Variants in ARHGAP32 observed in about 807,000 individuals in gnomAD.
The protein encoded by ARHGAP32 is Rho GTPase activating protein 32.
Under a neutral mutation model 186.5 loss-of-function variants are expected in ARHGAP32, and 51 were observed. The observed-to-expected ratio is 0.27, with a 90% CI of 0.22 to 0.35. The LOEUF (loss-of-function observed/expected upper bound fraction) is 0.35. ARHGAP32 is among the 10% of genes least tolerant of loss of function. The probability of loss-of-function intolerance (pLI) is 1.00; values close to 1 mark genes in which losing one functional copy is unlikely to be tolerated. For synonymous variants in ARHGAP32, 950 were observed against 964.3 expected (o/e 0.99, Z 0.27); for missense variants, 2,186 against 2,623.5 (o/e 0.83, Z 3.64).
intron 1 of ARHGAP32, among the ~76,000 whole-genome samples, chr11:129,201,969 C>T (rs1219044901): frequency 6.6e-6 from 1 of 151,966 alleles, no homozygotes; most frequent in Non-Finnish European, 1.5e-5. Flanking sequence ...GGCAACAGAG[C>T]AAGAGCCTGT....
intron 11 of ARHGAP32, among the ~76,000 whole-genome samples, chr11:129,032,217 C>G (rs888583576): frequency 1.3e-5 from 2 of 152,208 alleles, no homozygotes; most frequent in South Asian, 4.1e-4. Context: ...GTAACACATG[C>G]CCTCTGGGGC....
chr11:129,097,728 G>A (rs960121773), intron 5 of ARHGAP32, among the ~76,000 whole-genome samples: 1 of 152,146 alleles, frequency 6.6e-6, no homozygotes, highest in African/African-American at 2.4e-5. Flanking sequence ...TAAAAAAAGA[G>A]AGAGAAGGGA....
chr11:129,158,300 G>A (rs1253931240), intron 2 of ARHGAP32, among the ~76,000 whole-genome samples: 1 of 151,188 alleles, frequency 6.6e-6, no homozygotes, highest in Non-Finnish European at 1.5e-5. Flanking sequence ...AAAGAGTCAA[G>A]ACTCATCGGG....
intron 1 of ARHGAP32, among the ~76,000 whole-genome samples, chr11:129,219,060 C>T (rs1247730500): frequency 1.3e-5 from 2 of 152,168 alleles, no homozygotes; most frequent in Non-Finnish European, 2.9e-5. Flanking sequence ...GAGACAGCCA[C>T]CCTACATCAA....
At chr11:129,212,182 C>T (rs1944589407) in intron 1 of ARHGAP32, among the ~76,000 whole-genome samples, 1 of 151,962 alleles carries the variant, frequency 6.6e-6, no homozygotes, top group Non-Finnish European at 1.5e-5. Context: ...AATAAAAGTA[C>T]TGAAATCGTA....
intron 18 of ARHGAP32, 46 bp from the exon 19 acceptor site, chr11:128,978,961 G>C (rs1225023257): frequency 6.6e-7 from 1 of 1,526,560 alleles, no homozygotes; most frequent in Admixed American, 2.1e-5. Flanking sequence ...CCATGGGTCT[G>C]TCTTTTCTTA....
At chr11:129,124,379 G>T (rs1418774572) in intron 3 of ARHGAP32, among the ~76,000 whole-genome samples, 1 of 152,108 alleles carries the variant, frequency 6.6e-6, no homozygotes, top group African/African-American at 2.4e-5. Flanking sequence ...CATAGCTTCA[G>T]ATTAGAGATG....
At chr11:129,156,888 A>G (rs948040200) in intron 2 of ARHGAP32, among the ~76,000 whole-genome samples, 4 of 152,208 alleles carry the variant, frequency 2.6e-5, no homozygotes, top group African/African-American at 9.6e-5. Context: ...AGGAACACAC[A>G]GCAAACTTTG....
chr11:129,022,889 C>T (rs554034068), intron 11 of ARHGAP32, among the ~76,000 whole-genome samples: 12 of 152,000 alleles, frequency 7.9e-5, no homozygotes, highest in Non-Finnish European at 1.5e-4. Context: ...CCACTAAATG[C>T]CATATAGCAT....
At chr11:129,183,380 C>T (rs1261712946) in intron 1 of ARHGAP32, among the ~76,000 whole-genome samples, 1 of 152,142 alleles carries the variant, frequency 6.6e-6, no homozygotes, top group African/African-American at 2.4e-5. Flanking sequence ...CTTATCATCA[C>T]ATTAAATTTA....
At chr11:129,096,710 T>C (rs911407183) in intron 5 of ARHGAP32, among the ~76,000 whole-genome samples, 2 of 152,200 alleles carry the variant, frequency 1.3e-5, no homozygotes, top group African/African-American at 2.4e-5. Context: ...TAGCTATGTG[T>C]CCATTACACC....
intron 6 of ARHGAP32, among the ~76,000 whole-genome samples, chr11:129,085,027 T>C (rs1192433994): frequency 1.3e-5 from 2 of 151,364 alleles, no homozygotes; most frequent in East Asian, 3.9e-4. Context: ...TTGGTTTTAT[T>C]ATTTTTTTTT....
At chr11:129,161,136 C>G (rs1289382516) in intron 2 of ARHGAP32, among the ~76,000 whole-genome samples, 1 of 152,062 alleles carries the variant, frequency 6.6e-6, no homozygotes, top group Non-Finnish European at 1.5e-5. Context: ...CTTCTTACAC[C>G]TTATACAAAT....
chr11:129,153,824 C>A (rs368988958), intron 2 of ARHGAP32, among the ~76,000 whole-genome samples: 4 of 152,172 alleles, frequency 2.6e-5, no homozygotes, highest in African/African-American at 7.2e-5. Flanking sequence ...TTGGCTTAGG[C>A]AAAGAGTTCA....
intron 22 of ARHGAP32, 200 bp from the exon 23 acceptor site, chr11:128,971,359 T>C: frequency 1.9e-6 from 1 of 513,772 alleles, no homozygotes; most frequent in East Asian, 3.0e-5. Context: ...AGTATTATCT[T>C]TGGAGAACCA....
chr11:129,163,367 GT>G (rs940717868), intron 2 of ARHGAP32, among the ~76,000 whole-genome samples: 8 of 152,090 alleles, frequency 5.3e-5, no homozygotes, highest in African/African-American at 1.9e-4. Context: ...GTTACAAAAA[GT>G]TTTAATAAAC....
chr11:129,178,397 C>T (rs1399514244), intron 1 of ARHGAP32, among the ~76,000 whole-genome samples: 3 of 151,692 alleles, frequency 2.0e-5, no homozygotes, highest in Non-Finnish European at 4.4e-5. Flanking sequence ...AATGCCATCC[C>T]CATCAAGCTA....
At chr11:129,063,617 A>C (rs1940587676) in intron 9 of ARHGAP32, among the ~76,000 whole-genome samples, 1 of 152,008 alleles carries the variant, frequency 6.6e-6, no homozygotes, top group Non-Finnish European at 1.5e-5. Flanking sequence ...GTTCAGAATG[A>C]CATTCAATTC....
At chr11:129,193,581 T>TTA (rs1491499621), upstream of ARHGAP32, among the ~76,000 whole-genome samples, 47 of 55,774 alleles carry the variant, frequency 8.4e-4, no homozygotes, top group African/African-American at 1.5e-3. Context: ...TATATATATA[T>TTA]TATATAATAT....
Sources: gnomAD v4.1 joint callset for allele counts (sites outside exome capture counted in the v4.1 genomes callset) on GRCh38, gnomAD v4.1.1 for gene constraint, MANE v1.5 for transcripts, NCBI Gene and HGNC (gene_info 2026-07-23, HGNC 2026-07-21) for gene names.